ATP6V1C1: variants seen among roughly 807,000 people sequenced by gnomAD.
ATP6V1C1 encodes ATPase H+ transporting V1 subunit C1.
Under a neutral mutation model 53.9 loss-of-function variants are expected in ATP6V1C1, and 45 were observed. The ratio of observed to expected loss-of-function variants is 0.83; its 90% confidence interval spans 0.66 to 1.07. The LOEUF (loss-of-function observed/expected upper bound fraction) is 1.07. Ranked by LOEUF, ATP6V1C1 falls within the 50% of genes least tolerant of loss-of-function variation. The pLI is 0.00. For missense variants in ATP6V1C1, 315 were observed against 440.3 expected, an observed-to-expected ratio of 0.72 and a Z score of 2.55; for synonymous variants, 153 against 155.2, an observed-to-expected ratio of 0.99 and a Z score of 0.11.
At chr8:103,038,829 T>C (rs1287106184) in intron 1 of ATP6V1C1, among the ~76,000 whole-genome samples, 3 of 152,182 alleles carry the variant, frequency 2.0e-5, no homozygotes, top group South Asian at 4.1e-4. Flanking sequence ...TCAAAACTTA[T>C]CTTTGGATGG....
At position 103,069,592 on chromosome 8, in the gene ATP6V1C1, G is replaced by A. The variant is rs1291629697; in HGVS notation, c.*845G>A. 6 of 152,166 alleles carry A rather than the reference G, an allele frequency of 3.9e-5. No homozygotes were observed. Among genetic ancestry groups the A allele is most frequent in the Non-Finnish European group, 7.4e-5 (5 of 68,024 alleles). 9.4% of individuals were successfully genotyped at this position (152,166 alleles called of 1,614,324 possible). ...AGCTTTAGTCATTTGTTTTGTCTAA[G>A]TCTGTATTTTATGTGTTGTCTTCTT... On this transcript the variant is annotated 3_prime_UTR_variant, in exon 13 of 13. Coordinates refer to ENST00000518738, the MANE Select transcript of ATP6V1C1 (RefSeq NM_001695.5).
intron 8 of ATP6V1C1, among the ~76,000 whole-genome samples, chr8:103,062,532 G>T (rs1040179623): frequency 1.2e-4 from 19 of 152,130 alleles, no homozygotes; most frequent in Non-Finnish European, 4.4e-5. Context: ...TAAGGTACTG[G>T]CAATGCAGAG....
chr8:103,052,557 G>C (rs1462607821), intron 5 of ATP6V1C1, among the ~76,000 whole-genome samples, 174 bp from the exon 6 acceptor site: 1 of 151,924 alleles, frequency 6.6e-6, no homozygotes, highest in African/African-American at 2.4e-5. Flanking sequence ...TTAAAATGAA[G>C]TCGGCTGTTT....
At chr8:103,037,106 A>G (rs562451908) in intron 1 of ATP6V1C1, among the ~76,000 whole-genome samples, 1 of 152,334 alleles carries the variant, frequency 6.6e-6, no homozygotes, top group African/African-American at 2.4e-5. Flanking sequence ...AACTGGAAGC[A>G]ACCGGCGATA....
chr8:103,040,616 G>A (rs539345296), intron 1 of ATP6V1C1, among the ~76,000 whole-genome samples, 182 bp from the exon 2 acceptor site: 13 of 151,942 alleles, frequency 8.6e-5, no homozygotes, highest in Admixed American at 1.3e-4. Flanking sequence ...TAAATAAATC[G>A]TTTTTTCACC....
At position 103,055,846 on chromosome 8, in the gene ATP6V1C1, G is replaced by C. The variant is rs933601678; in HGVS notation, c.573-22G>C. The stretch of plus-strand genomic sequence containing the variant: ...ATAGGACTTGTTTTTCTTTTCCAAT[G>C]TGTATTGTACCTTTTCTGCAGGTTA... On this transcript the variant is annotated intron_variant, in intron 7 of 12. Coordinates refer to ENST00000518738, the MANE Select transcript of ATP6V1C1 (RefSeq NM_001695.5). The C allele has an allele frequency of 3.1e-6, 5 of 1,600,600 alleles. No individual in the cohort carries two copies. In the African/African-American group the frequency reaches 5.4e-5, roughly 17 times the overall value.
chr8:103,046,047 A>G (rs958508397), intron 3 of ATP6V1C1, among the ~76,000 whole-genome samples: 13 of 151,992 alleles, frequency 8.6e-5, no homozygotes, highest in Non-Finnish European at 1.6e-4. Flanking sequence ...GTTACAAGTT[A>G]TGACAACCAA....
intron 1 of ATP6V1C1, among the ~76,000 whole-genome samples, chr8:103,029,666 T>C (rs916759244): frequency 6.6e-6 from 1 of 152,252 alleles, no homozygotes; most frequent in Admixed American, 6.5e-5. Context: ...ATATCTAAGA[T>C]ATATTTTAGA....
chr8:103,045,481 G>C (rs1817077475), intron 3 of ATP6V1C1, among the ~76,000 whole-genome samples: 1 of 152,162 alleles, frequency 6.6e-6, no homozygotes, highest in African/African-American at 2.4e-5. Context: ...AATGGAAAGA[G>C]AAGATGAAAG....
At chr8:103,066,889 A>G (rs1480289712) in intron 12 of ATP6V1C1, among the ~76,000 whole-genome samples, 1 of 152,102 alleles carries the variant, frequency 6.6e-6, no homozygotes, top group African/African-American at 2.4e-5. Flanking sequence ...TGGTAGTCCC[A>G]GCAACTGAGG....
In ATP6V1C1 at chr8:103,066,352, C is replaced by T. The variant is rs1264691835; in HGVS notation, c.958C>T (p.Leu320=). Residue 320 remains leucine, a synonymous_variant, in exon 12 of 13, where the codon CTA becomes TTA. Coordinates refer to ENST00000518738, the MANE Select transcript of ATP6V1C1 (RefSeq NM_001695.5). ...CTTGCCAGTGAACTTCCAAGCAATGCTACTTCAGCCCAATAAGAAAACTTT... is the reference window on the plus strand; with the variant it reads ...CTTGCCAGTGAACTTCCAAGCAATGTTACTTCAGCCCAATAAGAAAACTTT... ...YGLPVNFQAM[L]LQPNKKTLKK... is the part of the protein sequence containing the mutation. The T allele has an allele frequency of 6.2e-7, 1 of 1,613,098 alleles. No homozygotes were observed. Among genetic ancestry groups the T allele is most frequent in the Middle Eastern group, 1.7e-4 (1 of 6,058 alleles).
intron 8 of ATP6V1C1, among the ~76,000 whole-genome samples, chr8:103,057,595 C>T (rs1177348105): frequency 6.6e-6 from 1 of 152,172 alleles, no homozygotes; most frequent in African/African-American, 2.4e-5. Flanking sequence ...TGCCTCCAGA[C>T]CCTATTTCCT....
intron 12 of ATP6V1C1, 74 bp downstream of exon 12, chr8:103,066,521 C>G (rs995688969): frequency 7.0e-7 from 1 of 1,422,864 alleles, no homozygotes; most frequent in Non-Finnish European, 9.3e-7. Flanking sequence ...AGAAGATAGA[C>G]AGAAAAGGGA....
At chr8:103,022,843 G>A (rs948366730) in intron 1 of ATP6V1C1, among the ~76,000 whole-genome samples, 1 of 152,066 alleles carries the variant, frequency 6.6e-6, no homozygotes, top group African/African-American at 2.4e-5. Context: ...GAGGCCAGGA[G>A]TTCAGGACCA....
intron 4 of ATP6V1C1, 48 bp downstream of exon 4, chr8:103,049,003 TAACTA>T: frequency 6.5e-7 from 1 of 1,531,618 alleles, no homozygotes; most frequent in Non-Finnish European, 9.0e-7. Context: ...ACAAAGCAAA[TAACTA>T]AGCTACAGAA....
Position 103,063,063 on chromosome 8 carries a change from T to G in ATP6V1C1, c.734+16T>G. ...GAGAAAACAAGTAAGATTATTGTTT[T>G]TTTGTTTATTTACTTTGTTAGATCA... On this transcript the variant is annotated intron_variant, in intron 9 of 12. Coordinates refer to ENST00000518738, the MANE Select transcript of ATP6V1C1 (RefSeq NM_001695.5). The G allele has an allele frequency of 1.2e-6, 2 of 1,613,460 alleles. No homozygotes were observed. The highest frequency in any genetic ancestry group is 1.7e-6 in the Non-Finnish European group (2 of 1,179,552).
intron 8 of ATP6V1C1, among the ~76,000 whole-genome samples, chr8:103,062,112 A>G (rs1817409158): frequency 6.7e-6 from 1 of 149,768 alleles, no homozygotes; most frequent in Admixed American, 6.7e-5. Flanking sequence ...CATGAGATGC[A>G]TACAGGCACT....
chr8:103,023,984 A>G lies in ATP6V1C1; in HGVS notation c.-40+2759A>G, dbSNP rs576675859. 3.5e-4 allele frequency among the ~76,000 whole-genome samples: 53 copies of G among 152,252 alleles called. No individual in the cohort carries two copies. The South Asian group carries it at 0.011, about 30-fold the overall frequency. On this transcript the variant is annotated intron_variant, in intron 1 of 12. Coordinates refer to ENST00000518738, the MANE Select transcript of ATP6V1C1 (RefSeq NM_001695.5). ...GTAGAACAGCTTCAAAGGAATTGGC[A>G]GTGGTGGGCTATGTCTTATCTATAA...
In ATP6V1C1 at chr8:103,063,340, T is replaced by G. The variant is rs1817436345; in HGVS notation, c.828+112T>G. On this transcript the variant is annotated intron_variant, in intron 10 of 12. Transcript: ENST00000518738. ...TCTGCTTTGGTTTTAAGACATTTGA[T>G]TTTAGTTTTTTTTTTTAATTGAATA... 1.3e-5 allele frequency: 9 copies of G among 685,958 alleles called. No individual in the cohort carries two copies. In the South Asian group the frequency reaches 1.6e-4, roughly 12 times the overall value. The allele number at this position is 685,958 out of a possible 1,614,324, so 42.5% of individuals were successfully genotyped here. A position where few individuals can be genotyped will look rare whatever the true frequency, so the allele number is the denominator to read the frequency against.
Sources: gnomAD v4.1 joint callset for allele counts (sites outside exome capture counted in the v4.1 genomes callset) on GRCh38, gnomAD v4.1.1 for gene constraint, MANE v1.5 for transcripts, NCBI Gene and HGNC (gene_info 2026-07-23, HGNC 2026-07-21) for gene names.